TMEM132D: variants seen among roughly 807,000 people sequenced by gnomAD.
TMEM132D encodes transmembrane protein 132D, also known as mature OL transmembrane protein.
Under a neutral mutation model 62.3 loss-of-function variants are expected in TMEM132D, and 21 were observed. The observed-to-expected ratio is 0.34, with a 90% confidence interval of 0.24 to 0.49. The LOEUF (loss-of-function observed/expected upper bound fraction) is 0.49. Among genes scored for constraint, TMEM132D ranks in the 20% least tolerant of loss-of-function variants. TMEM132D has a pLI of 0.99. For missense variants in TMEM132D, 1,346 were observed against 1,402.8 expected, an observed-to-expected ratio of 0.96 and a Z score of 0.65; for synonymous variants, 621 against 575.6, an observed-to-expected ratio of 1.08 and a Z score of -1.13.
intron 2 of TMEM132D, among the ~76,000 whole-genome samples, chr12:129,657,255 G>A (rs1424041923): frequency 1.1e-4 from 16 of 152,220 alleles, no homozygotes; most frequent in Non-Finnish European, 4.4e-5. Flanking sequence ...GCCAGTGTCT[G>A]TGCCACCCCA....
At chr12:129,793,891 T>C (rs938352317) in intron 1 of TMEM132D, among the ~76,000 whole-genome samples, 1 of 152,214 alleles carries the variant, frequency 6.6e-6, no homozygotes, top group African/African-American at 2.4e-5. Flanking sequence ...TCATTTTGCC[T>C]ATGGTGTTGT....
At position 129,081,779 on chromosome 12, in the gene TMEM132D, G is replaced by A. The variant is rs753296764; in HGVS notation, c.1903C>T (p.Leu635Phe). ...QGGQILMGQE[L>F]GMTTIQILSP... ...TTTACCTGAATGGTGGTCATCCCAAGCTCCTGCCCCATCAGGATCTGTCCG... is the reference window on the plus strand; with the variant it reads ...TTTACCTGAATGGTGGTCATCCCAAACTCCTGCCCCATCAGGATCTGTCCG... Residue 635 changes from leucine to phenylalanine, a missense_variant, in exon 7 of 9, where the codon CTT (leucine) becomes TTT (phenylalanine). Leu to Phe is a conservative substitution (Grantham distance 22, BLOSUM62 0). Transcript: ENST00000422113. 3.1e-6 allele frequency: 5 copies of A among 1,605,372 alleles called. No individual in the cohort carries two copies. The African/African-American group carries it at 5.4e-5, about 17-fold the overall frequency.
At chr12:129,698,920 T>C (rs1184159467) in intron 2 of TMEM132D, among the ~76,000 whole-genome samples, 7 of 152,054 alleles carry the variant, frequency 4.6e-5, no homozygotes, top group Non-Finnish European at 7.4e-5. Flanking sequence ...ATATGAAACA[T>C]GTCTTACATA....
chr12:129,099,792 G>T (rs1278410803), intron 5 of TMEM132D, among the ~76,000 whole-genome samples: 1 of 151,860 alleles, frequency 6.6e-6, no homozygotes, highest in Non-Finnish European at 1.5e-5. Flanking sequence ...AAAAGTGGGA[G>T]CGAAACCCAC....
chr12:129,104,174 G>A (rs35170486), intron 5 of TMEM132D, among the ~76,000 whole-genome samples: 2,081 of 150,648 alleles, frequency 0.014, 45 homozygotes, highest in African/African-American at 0.048. Context: ...AAACAGCATG[G>A]TACTGGTACC....
chr12:129,244,167 C>G lies in TMEM132D; in HGVS notation c.1300-34504G>C, dbSNP rs1880010303. 2.6e-5 allele frequency among the ~76,000 whole-genome samples: 4 copies of G among 152,194 alleles called. 1 individual carries two copies. In the South Asian group the frequency reaches 8.3e-4, roughly 32 times the overall value. On this transcript the variant is annotated intron_variant, in intron 4 of 8. Transcript: ENST00000422113. Reference sequence around the variant, plus strand: ...TTGGGAGGCCGAGGCGGGCAGATCACAAAGTCAGGAGATCGAGACCATCCT... The same window carrying G: ...TTGGGAGGCCGAGGCGGGCAGATCAGAAAGTCAGGAGATCGAGACCATCCT...
intron 1 of TMEM132D, among the ~76,000 whole-genome samples, chr12:129,830,782 GTTA>G (rs1435033423): frequency 6.6e-6 from 1 of 152,100 alleles, no homozygotes; most frequent in African/African-American, 2.4e-5. Context: ...ATAAAAGTTA[GTTA>G]TTATTATTAC....
At chr12:129,442,966 G>A (rs994201183) in intron 3 of TMEM132D, among the ~76,000 whole-genome samples, 1 of 152,120 alleles carries the variant, frequency 6.6e-6, no homozygotes, top group Non-Finnish European at 1.5e-5. Context: ...CCTCGCCCAA[G>A]ATCATGCTCC....
intron 1 of TMEM132D, among the ~76,000 whole-genome samples, chr12:129,885,644 T>C (rs1874729240): frequency 6.6e-6 from 1 of 152,242 alleles, no homozygotes; most frequent in African/African-American, 2.4e-5. Context: ...GAACACTTTT[T>C]AAACTCTGTA....
chr12:129,182,799 TTATC>T (rs1878105119), intron 5 of TMEM132D, among the ~76,000 whole-genome samples: 1 of 152,204 alleles, frequency 6.6e-6, no homozygotes, highest in Admixed American at 6.5e-5. Context: ...TTCCAGTTGT[TTATC>T]TGCTGTGGAG....
At chr12:129,668,226 T>A (rs993445864) in intron 2 of TMEM132D, among the ~76,000 whole-genome samples, 2 of 147,352 alleles carry the variant, frequency 1.4e-5, no homozygotes, top group Non-Finnish European at 3.0e-5. Flanking sequence ...TATAATTTAG[T>A]GTACATTATT....
chr12:129,473,848 T>G (rs141968822), intron 3 of TMEM132D, among the ~76,000 whole-genome samples: 42 of 152,344 alleles, frequency 2.8e-4, no homozygotes, highest in African/African-American at 9.9e-4. Context: ...TTCACATGCC[T>G]AGCAAAACAC....
At chr12:129,415,357 G>A (rs1872085613) in intron 3 of TMEM132D, among the ~76,000 whole-genome samples, 1 of 152,138 alleles carries the variant, frequency 6.6e-6, no homozygotes, top group South Asian at 2.1e-4. Context: ...TTTGGTAACG[G>A]CCATTCTAAC....
chr12:129,888,523 C>T (rs1404486241), intron 1 of TMEM132D, among the ~76,000 whole-genome samples: 2 of 152,022 alleles, frequency 1.3e-5, no homozygotes, highest in Non-Finnish European at 2.9e-5. Context: ...CATGGTGAAA[C>T]CCCATCTCTA....
intron 2 of TMEM132D, among the ~76,000 whole-genome samples, chr12:129,620,397 G>A (rs939114614): frequency 4.6e-5 from 7 of 152,156 alleles, no homozygotes; most frequent in African/African-American, 9.7e-5. Flanking sequence ...CCAGGAGTTC[G>A]AGGCCAGCCT....
intron 2 of TMEM132D, among the ~76,000 whole-genome samples, chr12:129,685,673 C>T (rs753803282): frequency 6.6e-6 from 1 of 152,158 alleles, no homozygotes; most frequent in Non-Finnish European, 1.5e-5. Flanking sequence ...AACTGTCCCC[C>T]AGACCCTAGA....
chr12:129,613,867 C>CCAGAACCCAGGGGACTGTCTG (rs1240504902), intron 2 of TMEM132D, among the ~76,000 whole-genome samples: 9 of 148,988 alleles, frequency 6.0e-5, no homozygotes, highest in Non-Finnish European at 5.9e-5. Context: ...CCAACCAGCT[C>CCAGAACCCAGGGGACTGTCTG]CAGAACCCAG....
In TMEM132D at chr12:129,073,968, G is replaced by A. The variant is rs771686981; in HGVS notation, c.3207C>T (p.Ser1069=). 2.5e-5 allele frequency: 41 copies of A among 1,613,116 alleles called. No individual in the cohort carries two copies. The highest frequency in any genetic ancestry group is 1.3e-4 in the African/African-American group (10 of 74,834). ...GGCAGACCCACTTAATGTCATCCTC[G>A]CTACTCATCACGATGGAGTTCCTGG... ...YPTRNSIVMS[S]EDDIKWVCQD... Residue 1069 remains serine (S), a synonymous_variant, in exon 9 of 9, where the codon AGC becomes AGT. Transcript: ENST00000422113.
At chr12:129,662,465 A>G (rs1165587558) in intron 2 of TMEM132D, among the ~76,000 whole-genome samples, 1 of 152,272 alleles carries the variant, frequency 6.6e-6, no homozygotes, top group Middle Eastern at 3.4e-3. Flanking sequence ...TTTTTGGCCA[A>G]GACTCAAATC....
Sources: gnomAD v4.1 joint callset for allele counts (sites outside exome capture counted in the v4.1 genomes callset) on GRCh38, gnomAD v4.1.1 for gene constraint, MANE v1.5 for transcripts, NCBI Gene and HGNC (gene_info 2026-07-23, HGNC 2026-07-21) for gene names.